Variants in FAM107A observed in about 807,000 individuals in gnomAD.
The protein encoded by FAM107A is actin-associated protein FAM107A.
Under a neutral mutation model 13.7 loss-of-function variants are expected in FAM107A, and 19 were observed. The observed-to-expected ratio is 1.38, with a 90% CI of 0.97 to 2.03. The LOEUF (loss-of-function observed/expected upper bound fraction) is 2.03, where lower values mean the gene tolerates loss of function less well. Among genes scored for constraint, FAM107A ranks in the 30% most tolerant of loss-of-function variants. FAM107A has a pLI of 0.00. For missense variants in FAM107A, 203 were observed against 184.4 expected (o/e 1.10, Z -0.58); for synonymous variants, 82 against 74.5 (o/e 1.10, Z -0.52).
chr3:58,588,343 A>G (rs1289844785), upstream of FAM107A, among the ~76,000 whole-genome samples: 1 of 152,222 alleles, frequency 6.6e-6, no homozygotes, highest in Non-Finnish European at 1.5e-5. Flanking sequence ...GGTACCTTCA[A>G]GGCCAACTGT....
chr3:58,569,877 G>T lies in FAM107A; in HGVS notation c.-5-12C>A. The stretch of plus-strand genomic sequence containing the variant: ...CGAGTACATGGCGGCTGTAGAGATG[G>T]GCAGAGGAGTAGCTCAGAGCTGAGC... On this transcript the variant is annotated splice_polypyrimidine_tract_variant and intron_variant, in intron 1 of 3. Coordinates refer to ENST00000360997, the MANE Select transcript of FAM107A (RefSeq NM_001076778.3). The surrounding 1 kb of genome is among the most constrained non-coding windows in gnomAD (Gnocchi z 5.7). 1 of 1,612,666 alleles carries T rather than the reference G, an allele frequency of 6.2e-7. No homozygotes were observed. Among genetic ancestry groups the T allele is most frequent in the Non-Finnish European group, 8.5e-7 (1 of 1,179,344 alleles).
rs17059502 is a variant in FAM107A at position 58,618,377 on chromosome 3, C to T, written c.-70+9039G>A. On this transcript the variant is annotated intron_variant, in intron 1 of 3. Transcript: ENST00000465970. Reference sequence around the variant, plus strand: ...GGCTCTGCACCTGGGGTAGAATTGGCCCTCCGAAGAATGACTGTTGCTGCC... The same window carrying T: ...GGCTCTGCACCTGGGGTAGAATTGGTCCTCCGAAGAATGACTGTTGCTGCC... Among the ~76,000 whole-genome samples, 1,426 of 152,264 alleles carry T rather than the reference C, an allele frequency of 9.4e-3. 31 individuals are homozygous for T. Among genetic ancestry groups the T allele is most frequent in the African/African-American group, 0.033 (1,355 of 41,552 alleles).
intron 1 of FAM107A, among the ~76,000 whole-genome samples, chr3:58,596,946 TA>T (rs2065712433): frequency 6.6e-6 from 1 of 152,224 alleles, no homozygotes; most frequent in Non-Finnish European, 1.5e-5. Context: ...AATGGAATAA[TA>T]AAATGTGCTC....
chr3:58,627,221 C>A (rs1262358768), intron 1 of FAM107A: 5 of 555,290 alleles, frequency 9.0e-6, no homozygotes, highest in African/African-American at 1.9e-5. Context: ...GGGCCAGTGT[C>A]CCCAGGCGGC....
At position 58,567,315 on chromosome 3, in the gene FAM107A, G is replaced by C; in HGVS notation, c.220C>G (p.Arg74Gly). ...KPELQRVLEH[R>G]RRNQLIKKKK... ...TTCTTGATGAGCTGGTTCCGCCGGC[G>C]GTGCTCTAGGACACGCTGCAGCTCT... Residue 74 changes from arginine (R) to glycine (G), a missense_variant, in exon 3 of 4, where the codon CGC becomes GGC. Physicochemically the swap from Arg to Gly is moderately radical, Grantham distance 125. Coordinates refer to ENST00000360997, the MANE Select transcript of FAM107A (RefSeq NM_001076778.3). 1 of 1,612,542 alleles carries C rather than the reference G, an allele frequency of 6.2e-7. No individual in the cohort carries two copies. The highest frequency in any genetic ancestry group is 8.5e-7 in the Non-Finnish European group (1 of 1,179,552).
At chr3:58,623,324 C>G (rs190963686) in intron 1 of FAM107A, among the ~76,000 whole-genome samples, 489 of 152,278 alleles carry the variant, frequency 3.2e-3, no homozygotes, top group Non-Finnish European at 5.4e-3. Context: ...AGGACTCTTT[C>G]AGGGCCACAA....
chr3:58,615,086 G>A (rs937316605), intron 1 of FAM107A, among the ~76,000 whole-genome samples: 4 of 152,312 alleles, frequency 2.6e-5, no homozygotes, highest in Admixed American at 1.3e-4. Flanking sequence ...GATTACAGGC[G>A]TGAGCCACCA....
intron 1 of FAM107A, among the ~76,000 whole-genome samples, chr3:58,610,275 G>A (rs1015120850): frequency 2.0e-5 from 3 of 152,174 alleles, no homozygotes; most frequent in African/African-American, 7.2e-5. Context: ...GCTCAGAGAT[G>A]GTAAGTAACT....
intron 1 of FAM107A, among the ~76,000 whole-genome samples, chr3:58,585,583 C>A (rs948619127): frequency 1.3e-5 from 2 of 152,246 alleles, no homozygotes; most frequent in Non-Finnish European, 2.9e-5. Context: ...TGGTTTGCCT[C>A]GCGCTTTTGG....
At position 58,617,015 on chromosome 3, in the gene FAM107A, G is replaced by A. The variant is rs1189560436; in HGVS notation, c.-70+10401C>T. Among the ~76,000 whole-genome samples the A allele has an allele frequency of 3.9e-5, 6 of 152,206 alleles. No homozygotes were observed. The East Asian group carries it at 1.2e-3, about 29-fold the overall frequency. On this transcript the variant is annotated intron_variant, in intron 1 of 3. Transcript: ENST00000465970. This position sits in a 1 kb window ranked among gnomAD's most constrained non-coding sequence, Gnocchi z 4.5. ...TCTCAATCTCTTGACCTTGTGATCC[G>A]CCTGCCTCGGCCTCCCAAAGTGCTG...
intron 1 of FAM107A, among the ~76,000 whole-genome samples, chr3:58,612,081 T>C (rs1489998341): frequency 1.3e-5 from 2 of 152,100 alleles, no homozygotes; most frequent in Non-Finnish European, 2.9e-5. Flanking sequence ...TGTCCTCACA[T>C]ACACATAGCA....
chr3:58,583,802 T>C (rs972232499), intron 1 of FAM107A, among the ~76,000 whole-genome samples: 42 of 151,966 alleles, frequency 2.8e-4, no homozygotes, highest in Non-Finnish European at 5.0e-4. Flanking sequence ...CACCTCAGCC[T>C]CCTGAGTAGC....
At chr3:58,621,291 C>T (rs1218482248) in intron 1 of FAM107A, among the ~76,000 whole-genome samples, 1 of 152,164 alleles carries the variant, frequency 6.6e-6, no homozygotes, top group Non-Finnish European at 1.5e-5. Flanking sequence ...ACAGATGTCA[C>T]CTTGGCTGGC....
At chr3:58,625,784 G>A (rs985851216) in intron 1 of FAM107A, among the ~76,000 whole-genome samples, 3 of 152,146 alleles carry the variant, frequency 2.0e-5, no homozygotes, top group Non-Finnish European at 2.9e-5. Context: ...GAGAAATAAA[G>A]CTCCTCTTTC....
intron 1 of FAM107A, among the ~76,000 whole-genome samples, chr3:58,616,219 A>G (rs2065899797): frequency 1.3e-5 from 2 of 152,124 alleles, no homozygotes; most frequent in African/African-American, 2.4e-5. Context: ...CTGCAGCTGG[A>G]CAGGAGCTAC....
intron 1 of FAM107A, among the ~76,000 whole-genome samples, chr3:58,575,526 C>CAA (rs10666628): frequency 0.89 from 135,110 of 152,118 alleles, 61,000 homozygotes; most frequent in East Asian, 1. Flanking sequence ...CTACTTGTCT[C>CAA]GATACACAGA....
chr3:58,600,884 C>T (rs2065747493), intron 1 of FAM107A, among the ~76,000 whole-genome samples: 1 of 152,186 alleles, frequency 6.6e-6, no homozygotes, highest in South Asian at 2.1e-4. Context: ...CAGGACCCGA[C>T]AAAACCCTCA....
chr3:58,576,266 G>A (rs757447978), intron 1 of FAM107A, among the ~76,000 whole-genome samples: 13 of 152,328 alleles, frequency 8.5e-5, no homozygotes, highest in Middle Eastern at 3.4e-3. Flanking sequence ...CCTCAGGTCC[G>A]TTGCAACTTC....
intron 1 of FAM107A, among the ~76,000 whole-genome samples, chr3:58,626,636 G>A (rs2066020642): frequency 6.6e-6 from 1 of 152,200 alleles, no homozygotes; most frequent in South Asian, 2.1e-4. Context: ...TCTTTCCCCT[G>A]TATCCACCTG....
Sources: gnomAD v4.1 joint callset for allele counts (sites outside exome capture counted in the v4.1 genomes callset) on GRCh38, gnomAD v4.1.1 for gene constraint, Gnocchi (gnomAD v3.1) non-coding constraint, MANE v1.5 for transcripts, NCBI Gene and HGNC (gene_info 2026-07-23, HGNC 2026-07-21) for gene names.